Variants in CYP2D6 observed in about 807,000 individuals in gnomAD.
CYP2D6 encodes cytochrome P450 family 2 subfamily D member 6 (gene/pseudogene), also known as cytochrome P450 2D6.
Under a neutral mutation model 43.5 loss-of-function variants are expected in CYP2D6, and 51 were observed. The ratio of observed to expected loss-of-function variants is 1.17; its 90% CI spans 0.94 to 1.48. The LOEUF (loss-of-function observed/expected upper bound fraction) is 1.48. CYP2D6 is among the 40% of genes most tolerant of loss of function. The pLI is 0.00. For missense variants in CYP2D6, 698 were observed against 688.0 expected (o/e 1.01, Z -0.16); for synonymous variants, 346 against 297.1 (o/e 1.16, Z -1.69).
intron 1 of CYP2D6, 156 bp from the exon 2 acceptor site, chr22:42,130,065 T>TCAC (rs1931833319): frequency 1.4e-6 from 1 of 735,360 alleles, no homozygotes; most frequent in African/African-American, 2.3e-5. Flanking sequence ...GGGGTGGGGG[T>TCAC]CACACCTTCT....
Position 42,129,802 on chromosome 22 carries a change from C to T in CYP2D6, c.288G>A (p.Glu96=), listed in dbSNP as rs776951365. The T allele has an allele frequency of 6.2e-7, 1 of 1,606,502 alleles. No individual in the cohort carries two copies. Among genetic ancestry groups the T allele is most frequent in the Non-Finnish European group, 8.5e-7 (1 of 1,177,176 alleles). The stretch of plus-strand genomic sequence containing the variant: ...GCACAGGCGGGCGGTCGGCGGTGTC[C>T]TCGCCGTGGGTCACCAGCGCCTCGC... ...AVREALVTHG[E]DTADRPPVPI... is the part of the protein sequence containing the mutation. The change falls in exon 2 of 9, where the codon GAG becomes GAA. Residue 96 remains glutamate, a synonymous_variant. Transcript: ENST00000645361.
At chr22:42,129,421 G>A (rs954782384) in intron 2 of CYP2D6, 26 of 770,040 alleles carry the variant, frequency 3.4e-5, no homozygotes, top group Non-Finnish European at 5.1e-5. Flanking sequence ...CGCGGGCCCC[G>A]CGCCACCCAC....
rs1930920397 is a variant in CYP2D6, at chr22:42,126,503, A to G, written c.*71T>C. ...GGCGTGAGCAGGGGACCCGAGTTGGAACTACCACATTGCTTTATTGTACAT... is the reference window on the plus strand; with the variant it reads ...GGCGTGAGCAGGGGACCCGAGTTGGGACTACCACATTGCTTTATTGTACAT... On this transcript the variant is annotated 3_prime_UTR_variant, in exon 9 of 9. Transcript: ENST00000645361. 2 of 1,487,834 alleles carry G rather than the reference A, an allele frequency of 1.3e-6. No homozygotes were observed. The highest frequency in any genetic ancestry group is 1.8e-6 in the Non-Finnish European group (2 of 1,108,630). The allele number at this position is 1,487,834 out of a possible 1,614,324, so 92.2% of individuals were successfully genotyped here.
rs768664932 is a variant in CYP2D6 at position 42,128,852 on chromosome 22, G to C, written c.598C>G (p.Pro200Ala). Residue 200 changes from proline to alanine, a missense_variant, in exon 4 of 9, where the codon CCT becomes GCT. This residue lies in a region of CYP2D6 where 588 missense variants were observed against 521.1 expected (regional missense o/e 1.13). Transcript: ENST00000645361. Reference sequence around the variant, plus strand: ...AGGTCCAGCAGCCTGAGGAAGCGAGGGTCGTCGTACTCGAAGCGGCGCCCG... The same window carrying C: ...AGGTCCAGCAGCCTGAGGAAGCGAGCGTCGTCGTACTCGAAGCGGCGCCCG... ...TCGRRFEYDD[P>A]RFLRLLDLAQ... The C allele has an allele frequency of 1.4e-5, 22 of 1,605,930 alleles. 1 individual carries two copies. The South Asian group carries it at 2.3e-4, about 17-fold the overall frequency.
In CYP2D6 at chr22:42,127,910, C is replaced by G. The variant is rs1931202269; in HGVS notation, c.917G>C (p.Gly306Ala). ...RIVVADLFSA[G>A]MVTTSTTLAW... is the part of the protein sequence containing the mutation. ...CAGCGTGGTCGAGGTGGTCACCATCCCGGCAGAGAACAGGTCAGCCACCAC... is the reference window on the plus strand; with the variant it reads ...CAGCGTGGTCGAGGTGGTCACCATCGCGGCAGAGAACAGGTCAGCCACCAC... Residue 306 changes from glycine to alanine, a missense_variant, in exon 6 of 9, where the codon GGG (glycine) becomes GCG (alanine). Around this residue, in one of 5 missense-constraint regions of CYP2D6, gnomAD observed 588 missense variants for 521.1 expected, o/e 1.13. Coordinates refer to ENST00000645361, the MANE Select transcript of CYP2D6 (RefSeq NM_000106.6). 6.2e-7 allele frequency: 1 copy of G among 1,610,998 alleles called. No individual in the cohort carries two copies. The highest frequency in any genetic ancestry group is 8.5e-7 in the Non-Finnish European group (1 of 1,178,046).
At position 42,128,781 on chromosome 22, in the gene CYP2D6, C is replaced by T. The variant is rs563022272; in HGVS notation, c.666+3G>A. On this transcript the variant is annotated splice_donor_region_variant and intron_variant, in intron 4 of 8. Transcript: ENST00000645361. ...AGAGACTCCTCGGTCTCTCGCTCCG[C>T]ACCTCGCGCAGAAAGCCCGACTCCT... 9 of 1,604,996 alleles carry T rather than the reference C, an allele frequency of 5.6e-6. 1 individual carries two copies. Among genetic ancestry groups the T allele is most frequent in the East Asian group, 2.3e-5 (1 of 44,424 alleles).
Position 42,129,243 on chromosome 22 carries a change from C to T in CYP2D6, c.353-58G>A, listed in dbSNP as rs1044809362. 5.1e-6 allele frequency: 8 copies of T among 1,572,954 alleles called. 1 individual carries two copies. The African/African-American group carries it at 9.5e-5, about 19-fold the overall frequency. On this transcript the variant is annotated intron_variant, in intron 2 of 8. Transcript: ENST00000645361. ...TGAAGGCATTAGCCCCACCATCCAC[C>T]ACCCACTCCAACCCTATGCTCCCCC... is the stretch of plus-strand genomic sequence containing the variant.
Position 42,127,962 on chromosome 22 carries a change from TG to T in CYP2D6, c.864del (p.Ser288ArgfsTer10), listed in dbSNP as rs267608279. ...EMEKAKGNPE[S>X]SFNDENLRIV... The stretch of plus-strand genomic sequence containing the variant: ...ATGCGCAGGTTCTCATCATTGAAGC[TG>T]CTCTCAGGGTTCCCCTTGGCCTGAG... On this transcript the variant is annotated frameshift_variant, in exon 6 of 9. Transcript: ENST00000645361. LOFTEE classifies it high-confidence loss of function. 6.2e-7 allele frequency: 1 copy of T among 1,611,470 alleles called. No homozygotes were observed. Among genetic ancestry groups the T allele is most frequent in the South Asian group, 1.1e-5 (1 of 90,930 alleles).
chr22:42,127,894 C>T lies in CYP2D6; in HGVS notation c.933G>A (p.Ser311=), dbSNP rs201297021. 16 of 1,611,122 alleles carry T rather than the reference C, an allele frequency of 9.9e-6. 2 individuals are homozygous for T. Among genetic ancestry groups the T allele is most frequent in the Middle Eastern group, 1.7e-4 (1 of 6,058 alleles). The change falls in exon 6 of 9, where the codon TCG becomes TCA. Residue 311 remains serine (S), a synonymous_variant. Transcript: ENST00000645361. ...DLFSAGMVTT[S]TTLAWGLLLM... ...GCAGGAGGCCCCAGGCCAGCGTGGT[C>T]GAGGTGGTCACCATCCCGGCAGAGA...
At position 42,128,797 on chromosome 22, in the gene CYP2D6, C is replaced by T. The variant is rs1291448337; in HGVS notation, c.653G>A (p.Gly218Asp). Residue 218 changes from glycine to aspartate, a missense_variant, in exon 4 of 9, where the codon GGC becomes GAC. By Grantham distance (94) the Gly-to-Asp change is moderately conservative. Transcript: ENST00000645361. ...LAQEGLKEES[G>D]FLREVLNAVP... ...CTCGCTCCGCACCTCGCGCAGAAAG[C>T]CCGACTCCTCCTTCAGTCCCTCCTG... is the stretch of plus-strand genomic sequence containing the variant. The T allele has an allele frequency of 1.2e-6, 2 of 1,607,052 alleles. No individual in the cohort carries two copies. The highest frequency in any genetic ancestry group is 1.7e-6 in the Non-Finnish European group (2 of 1,176,252).
chr22:42,127,955 T>A lies in CYP2D6; in HGVS notation c.872A>T (p.Asn291Ile). 6.2e-7 allele frequency: 1 copy of A among 1,611,332 alleles called. No homozygotes were observed. Residue 291 changes from asparagine to isoleucine, a missense_variant, in exon 6 of 9, where the codon AAT becomes ATT. By Grantham distance (149) the Asn-to-Ile change is moderately radical. Transcript: ENST00000645361. ...KAKGNPESSF[N>I]DENLRIVVAD... Reference sequence around the variant, plus strand: ...CACCACTATGCGCAGGTTCTCATCATTGAAGCTGCTCTCAGGGTTCCCCTT... The same window carrying A: ...CACCACTATGCGCAGGTTCTCATCAATGAAGCTGCTCTCAGGGTTCCCCTT...
intron 7 of CYP2D6, among the ~76,000 whole-genome samples, 200 bp from the exon 8 acceptor site, chr22:42,127,192 C>A (rs1384524530): frequency 6.6e-5 from 10 of 151,224 alleles, no homozygotes; most frequent in Admixed American, 6.6e-4. Flanking sequence ...CCACACTGCC[C>A]CCTCTCCCTG....
Position 42,129,422 on chromosome 22 carries a change from C to T in CYP2D6, c.353-237G>A, listed in dbSNP as rs192258949. ...CTCAGGGAAGACCCCGCGGGCCCCGCGCCACCCACACTGAGCTTACAGCAC... is the reference window on the plus strand; with the variant it reads ...CTCAGGGAAGACCCCGCGGGCCCCGTGCCACCCACACTGAGCTTACAGCAC... On this transcript the variant is annotated intron_variant, in intron 2 of 8. Coordinates refer to ENST00000645361, the MANE Select transcript of CYP2D6 (RefSeq NM_000106.6). 271 of 769,240 alleles carry T rather than the reference C, an allele frequency of 3.5e-4. 6 individuals are homozygous for T. The African/African-American group carries it at 4.1e-3, about 12-fold the overall frequency. The allele number at this position is 769,240 out of a possible 1,614,324, so 47.7% of individuals were successfully genotyped here.
At chr22:42,129,557 C>T (rs908304667) in intron 2 of CYP2D6, among the ~76,000 whole-genome samples, 181 bp downstream of exon 2, 3 of 151,544 alleles carry the variant, frequency 2.0e-5, no homozygotes, top group Non-Finnish European at 2.9e-5. Flanking sequence ...CCACTCGTCA[C>T]AAGCCCCGCC....
At position 42,126,647 on chromosome 22, in the gene CYP2D6, C is replaced by T. The variant is rs141756339; in HGVS notation, c.1421G>A (p.Arg474Gln). The change falls in exon 9 of 9, where the codon CGG (arginine) becomes CAG (glutamine). Residue 474 changes from arginine to glutamine, a missense_variant. Physicochemically the swap from Arg to Gln is conservative, Grantham distance 43. Around this residue, in one of 5 missense-constraint regions of CYP2D6, gnomAD observed 85 missense variants for 81.2 expected, o/e 1.05. Transcript: ENST00000645361. ...AGCAAAGACACCATGGTGGCTGGGCCGGGGCTGTCCAGTGGGCACCGAGAA... is the reference window on the plus strand; with the variant it reads ...AGCAAAGACACCATGGTGGCTGGGCTGGGGCTGTCCAGTGGGCACCGAGAA... The part of the protein sequence containing the change: ...FSFSVPTGQP[R>Q]PSHHGVFAFL... The T allele has an allele frequency of 8.2e-5, 132 of 1,609,274 alleles. 6 individuals carry two copies. The highest frequency in any genetic ancestry group is 1.7e-4 in the Middle Eastern group (1 of 5,970).
Position 42,129,266 on chromosome 22 carries a change from C to A in CYP2D6, c.353-81G>T, listed in dbSNP as rs1602581300. ...ACCACCCACTCCAACCCTATGCTCC[C>A]CCTGGTCTCCCGCAGTCCCTGGCTC... On this transcript the variant is annotated intron_variant, in intron 2 of 8. Transcript: ENST00000645361. 16 of 1,510,926 alleles carry A rather than the reference C, an allele frequency of 1.1e-5. No individual in the cohort carries two copies. Among genetic ancestry groups the A allele is most frequent in the South Asian group, 4.6e-5 (4 of 86,200 alleles). 93.6% of individuals were successfully genotyped at this position (1,510,926 alleles called of 1,614,324 possible).
intron 2 of CYP2D6, 183 bp from the exon 3 acceptor site, chr22:42,129,368 C>G: frequency 1.1e-6 from 1 of 915,440 alleles, no homozygotes; most frequent in Non-Finnish European, 1.7e-6. Context: ...TGCCCCACCT[C>G]GTCTCTGCCC....
intron 2 of CYP2D6, chr22:42,129,403 G>T: frequency 1.2e-6 from 1 of 815,410 alleles, no homozygotes; most frequent in Non-Finnish European, 2.0e-6. Flanking sequence ...TGCACTCAGG[G>T]AAGACCCCGC....
rs1269447174 is a variant in CYP2D6 at position 42,128,201 on chromosome 22, A to T, written c.816T>A (p.Thr272=). 6.2e-7 allele frequency: 1 copy of T among 1,608,204 alleles called. No homozygotes were observed. ...WDPAQPPRDL[T]EAFLAEMEKA... Reference sequence around the variant, plus strand: ...TCTCCATCTCTGCCAGGAAGGCCTCAGTCAGGTCTCGGGGGGGCTGGGCTG... The same window carrying T: ...TCTCCATCTCTGCCAGGAAGGCCTCTGTCAGGTCTCGGGGGGGCTGGGCTG... Residue 272 remains threonine, a synonymous_variant, in exon 5 of 9, where the codon ACT becomes ACA. Coordinates refer to ENST00000645361, the MANE Select transcript of CYP2D6 (RefSeq NM_000106.6).
Sources: allele counts gnomAD v4.1 joint callset (sites outside exome capture counted in the v4.1 genomes callset), GRCh38; gene constraint gnomAD v4.1.1; regional missense constraint gnomAD v4.1.1; transcripts MANE v1.5; gene names NCBI Gene and HGNC (gene_info 2026-07-23, HGNC 2026-07-21).